GSE1: variants seen among roughly 807,000 people sequenced by gnomAD.
GSE1 encodes the protein genetic suppressor element 1.
In GSE1, 32 loss-of-function variants were observed where a neutral mutation model predicts 112.6. That is an observed-to-expected ratio of 0.28 (90% CI 0.21 to 0.38). The LOEUF is 0.38. GSE1 is among the 10% of genes least tolerant of loss of function. The pLI is 1.00. For missense variants in GSE1, 2,348 were observed against 1,699.2 expected, an observed-to-expected ratio of 1.38 and a Z score of -6.71; for synonymous variants, 1,115 against 735.6, an observed-to-expected ratio of 1.52 and a Z score of -8.35.
At chr16:85,525,391 G>A (rs553886595) in intron 2 of GSE1, among the ~76,000 whole-genome samples, 9 of 152,330 alleles carry the variant, frequency 5.9e-5, no homozygotes, top group South Asian at 2.1e-4. Flanking sequence ...AGCTGTCGGC[G>A]TGGCTGTCAT....
At chr16:85,546,147 C>A (rs1006477181) in intron 2 of GSE1, among the ~76,000 whole-genome samples, 3 of 147,524 alleles carry the variant, frequency 2.0e-5, no homozygotes, top group African/African-American at 7.5e-5. Flanking sequence ...TACAGTGGCC[C>A]GATCTCAGCT....
chr16:85,378,678 C>T (rs754283649), intron 2 of GSE1, among the ~76,000 whole-genome samples: 4 of 152,198 alleles, frequency 2.6e-5, no homozygotes, highest in African/African-American at 4.8e-5. Flanking sequence ...ACCAGGAGAC[C>T]GAGGCCCAGG....
At chr16:85,509,062 G>T (rs545926227) in intron 2 of GSE1, among the ~76,000 whole-genome samples, 143 of 152,218 alleles carry the variant, frequency 9.4e-4, no homozygotes, top group Non-Finnish European at 1.7e-3. Context: ...GAAGAGGAGG[G>T]ATCCAGGTGG....
intron 1 of GSE1, among the ~76,000 whole-genome samples, chr16:85,250,489 C>T (rs950281475): frequency 6.6e-6 from 1 of 152,214 alleles, no homozygotes; most frequent in Non-Finnish European, 1.5e-5. Flanking sequence ...GACCCCCTAC[C>T]GCTCTGTCTG....
At chr16:85,225,555 C>T (rs2075470469) in intron 1 of GSE1, among the ~76,000 whole-genome samples, 1 of 152,184 alleles carries the variant, frequency 6.6e-6, no homozygotes, top group Non-Finnish European at 1.5e-5. Context: ...TGAACCCTGT[C>T]CCTCCGCTGC....
chr16:85,575,590 T>A (rs2046197838), intron 1 of GSE1, among the ~76,000 whole-genome samples: 2 of 152,174 alleles, frequency 1.3e-5, no homozygotes, highest in Admixed American at 1.3e-4. Flanking sequence ...GATTTCTTTT[T>A]CATGACGGGC....
intron 2 of GSE1, among the ~76,000 whole-genome samples, chr16:85,462,040 C>T (rs1374277467): frequency 6.6e-6 from 1 of 152,198 alleles, no homozygotes; most frequent in Non-Finnish European, 1.5e-5. Context: ...GCCAGCAGGC[C>T]CCCGGGGAGT....
intron 1 of GSE1, among the ~76,000 whole-genome samples, chr16:85,244,566 C>G (rs1263925905): frequency 2.6e-5 from 4 of 152,098 alleles, no homozygotes; most frequent in African/African-American, 9.7e-5. Context: ...CGTGAAAAAC[C>G]AGGCCAGGTG....
chr16:85,228,264 A>G (rs185895210), intron 1 of GSE1, among the ~76,000 whole-genome samples: 10 of 152,336 alleles, frequency 6.6e-5, no homozygotes, highest in Admixed American at 2.0e-4. Context: ...GGGCTTTGCG[A>G]CGGGTTTGTT....
At chr16:85,659,068 C>G (rs551497464) in intron 8 of GSE1, among the ~76,000 whole-genome samples, 4 of 152,230 alleles carry the variant, frequency 2.6e-5, no homozygotes, top group African/African-American at 9.6e-5. Context: ...AATATTTATT[C>G]TCCTGCAGGT....
intron 2 of GSE1, among the ~76,000 whole-genome samples, chr16:85,461,862 A>C (rs1597824070): frequency 6.8e-6 from 1 of 146,640 alleles, no homozygotes. Flanking sequence ...CCCAGCCCTC[A>C]CCCCTCCCCA....
intron 1 of GSE1, among the ~76,000 whole-genome samples, chr16:85,254,737 C>T (rs1191455556): frequency 1.3e-5 from 2 of 152,210 alleles, no homozygotes; most frequent in Non-Finnish European, 2.9e-5. Context: ...GAAACCCAGA[C>T]GTTATGGTCA....
intron 1 of GSE1, among the ~76,000 whole-genome samples, chr16:85,589,445 A>G (rs1295761184): frequency 1.3e-5 from 2 of 152,168 alleles, no homozygotes; most frequent in Non-Finnish European, 2.9e-5. Context: ...GAGCCTGGGC[A>G]CTTTTGGAAG....
At chr16:85,656,781 C>A in intron 7 of GSE1, 116 bp downstream of exon 7, 1 of 1,375,196 alleles carries the variant, frequency 7.3e-7, no homozygotes, top group Non-Finnish European at 9.6e-7. Context: ...CTGAGTTCGC[C>A]CTAAAAGCGT....
chr16:85,200,130 AC>A (rs2075001502), intron 1 of GSE1, among the ~76,000 whole-genome samples: 2 of 151,858 alleles, frequency 1.3e-5, no homozygotes, highest in Non-Finnish European at 2.9e-5. Context: ...GCTTGCTGAC[AC>A]CTTGTCACTC....
At chr16:85,634,698 C>T (rs772309308) in intron 2 of GSE1, among the ~76,000 whole-genome samples, 5 of 152,202 alleles carry the variant, frequency 3.3e-5, no homozygotes, top group Non-Finnish European at 5.9e-5. Flanking sequence ...TCTGGTATCA[C>T]CTGGGCAGGA....
chr16:85,637,814 C>T (rs1448312677), intron 2 of GSE1, among the ~76,000 whole-genome samples: 1 of 152,216 alleles, frequency 6.6e-6, no homozygotes, highest in Admixed American at 6.5e-5. Context: ...TGGTGCCTGC[C>T]AGGTGCCCAA....
chr16:85,521,548 G>T (rs1427186124), intron 2 of GSE1, among the ~76,000 whole-genome samples: 2 of 152,228 alleles, frequency 1.3e-5, no homozygotes, highest in Non-Finnish European at 2.9e-5. Flanking sequence ...GCACGTTTGG[G>T]TCCTCTGTGG....
intron 2 of GSE1, among the ~76,000 whole-genome samples, chr16:85,531,751 C>T (rs1195732263): frequency 1.3e-5 from 2 of 152,238 alleles, no homozygotes; most frequent in Non-Finnish European, 1.5e-5. Context: ...CAGGATGGAC[C>T]GGATGGCCCC....
Sources: gnomAD v4.1 joint callset for allele counts (sites outside exome capture counted in the v4.1 genomes callset) on GRCh38, gnomAD v4.1.1 for gene constraint, MANE v1.5 for transcripts, NCBI Gene and HGNC (gene_info 2026-07-23, HGNC 2026-07-21) for gene names.